ATG10: variants seen among roughly 807,000 people sequenced by gnomAD.
The protein encoded by ATG10 is autophagy related 10.
Under a neutral mutation model 32.1 loss-of-function variants are expected in ATG10, and 30 were observed. The observed-to-expected ratio is 0.94, with a 90% CI of 0.70 to 1.27. ATG10 has a LOEUF of 1.27. Among genes scored for constraint, ATG10 ranks in the 50% most tolerant of loss-of-function variants. The probability of loss-of-function intolerance (pLI) is 0.00; values close to 1 mark genes in which losing one functional copy is unlikely to be tolerated. For missense variants in ATG10, 233 were observed against 262.3 expected (o/e 0.89, Z 0.77); for synonymous variants, 87 against 91.5 (o/e 0.95, Z 0.28).
At chr5:82,051,463 A>T (rs368246493) in intron 2 of ATG10, among the ~76,000 whole-genome samples, 1 of 152,110 alleles carries the variant, frequency 6.6e-6, no homozygotes, top group Admixed American at 6.6e-5. Flanking sequence ...AAGACGTGCA[A>T]ATTTCTTTAT....
chr5:82,092,321 A>C (rs1339041249), intron 3 of ATG10, among the ~76,000 whole-genome samples: 2 of 152,258 alleles, frequency 1.3e-5, no homozygotes, highest in African/African-American at 4.8e-5. Context: ...AAAGCACCAG[A>C]GGAAAATATA....
chr5:82,041,251 A>G (rs1485521813), intron 2 of ATG10, among the ~76,000 whole-genome samples: 3 of 152,104 alleles, frequency 2.0e-5, no homozygotes, highest in Non-Finnish European at 4.4e-5. Context: ...TTTATTGTTT[A>G]TGTATTTATT....
At chr5:81,990,392 T>C (rs1278435455) in intron 2 of ATG10, among the ~76,000 whole-genome samples, 1 of 152,136 alleles carries the variant, frequency 6.6e-6, no homozygotes, top group Admixed American at 6.6e-5. Context: ...TGTTAACCAT[T>C]CCATTACCTG....
chr5:82,042,359 A>G (rs1052635052), intron 2 of ATG10, among the ~76,000 whole-genome samples: 2 of 152,178 alleles, frequency 1.3e-5, no homozygotes, highest in Non-Finnish European at 2.9e-5. Flanking sequence ...ATCTGCCCTC[A>G]TGATCTAATC....
chr5:82,218,736 A>G (rs1341805233), intron 5 of ATG10, among the ~76,000 whole-genome samples: 1 of 152,208 alleles, frequency 6.6e-6, no homozygotes, highest in Admixed American at 6.5e-5. Flanking sequence ...AGGAGTGTTA[A>G]TGGTGTGATT....
intron 3 of ATG10, among the ~76,000 whole-genome samples, chr5:82,163,872 T>C (rs1219719556): frequency 6.6e-6 from 1 of 152,202 alleles, no homozygotes; most frequent in African/African-American, 2.4e-5. Flanking sequence ...AACAGAATCA[T>C]CTCAGGTTTT....
intron 2 of ATG10, among the ~76,000 whole-genome samples, chr5:82,057,704 T>G (rs1035387653): frequency 6.6e-6 from 1 of 152,162 alleles, no homozygotes; most frequent in African/African-American, 2.4e-5. Context: ...AAGTGTTACC[T>G]TAAAAAAATG....
intron 2 of ATG10, among the ~76,000 whole-genome samples, chr5:82,037,234 CTTTTTTTTTTT>C (rs1166784267): frequency 7.0e-4 from 26 of 36,940 alleles, no homozygotes; most frequent in African/African-American, 1.5e-3. Flanking sequence ...ATCTCATTTA[CTTTTTTTTTTT>C]TTTTTTTTTT....
At chr5:82,246,815 C>CT (rs1225302663) in intron 5 of ATG10, among the ~76,000 whole-genome samples, 1 of 152,050 alleles carries the variant, frequency 6.6e-6, no homozygotes, top group East Asian at 1.9e-4. Context: ...TCCTGAAGGA[C>CT]TTTTTTTAGT....
rs781236361 is a variant in ATG10 at position 82,234,258 on chromosome 5, G to A, written c.454-18304G>A. 3.9e-5 allele frequency among the ~76,000 whole-genome samples: 6 copies of A among 152,126 alleles called. No individual in the cohort carries two copies. The South Asian group carries it at 8.3e-4, about 21-fold the overall frequency. On this transcript the variant is annotated intron_variant, in intron 5 of 7. Transcript: ENST00000282185. ...AAAGAGCTCTTTCTGAATTTGCTGC[G>A]TTTGAATTACCTTTAGCTCAAAATA...
At chr5:82,248,031 T>C (rs1747101283) in intron 5 of ATG10, among the ~76,000 whole-genome samples, 1 of 152,226 alleles carries the variant, frequency 6.6e-6, no homozygotes. Context: ...TTTTTTCTTT[T>C]GCCAATGGAT....
At chr5:82,115,106 T>C (rs550481943) in intron 3 of ATG10, among the ~76,000 whole-genome samples, 49 of 152,072 alleles carry the variant, frequency 3.2e-4, no homozygotes, top group Admixed American at 6.6e-4. Context: ...CAGAATTAAC[T>C]AACTTTCTTT....
intron 5 of ATG10, among the ~76,000 whole-genome samples, chr5:82,221,534 A>ATACT (rs1745928944): frequency 6.6e-6 from 1 of 152,150 alleles, no homozygotes. Context: ...AGAGCAACCT[A>ATACT]TACACCGTGT....
chr5:81,983,362 G>C (rs1229544813), intron 1 of ATG10, among the ~76,000 whole-genome samples: 1 of 148,792 alleles, frequency 6.7e-6, no homozygotes, highest in Non-Finnish European at 1.5e-5. Flanking sequence ...GGGGCGGCCG[G>C]GCAGAGGTGC....
rs570316576 is a variant in ATG10 at position 82,064,303 on chromosome 5, A to G, written c.216+5701A>G. 7.4e-4 allele frequency among the ~76,000 whole-genome samples: 112 copies of G among 152,264 alleles called. 2 individuals are homozygous for G. The highest frequency in any genetic ancestry group is 8.5e-4 in the Admixed American group (13 of 15,290). ...CCAAAACAGGGTTTAGGTAAAATAC[A>G]TCATCTTTTGATCCTAAATATATGA... On this transcript the variant is annotated intron_variant, in intron 3 of 7. Transcript: ENST00000282185.
chr5:82,074,303 A>G (rs370849126), intron 3 of ATG10, among the ~76,000 whole-genome samples: 6 of 152,190 alleles, frequency 3.9e-5, no homozygotes, highest in Admixed American at 2.6e-4. Flanking sequence ...CGTAAACGCC[A>G]TCTCACAATG....
Position 82,138,554 on chromosome 5 carries a change from ACT to A in ATG10, c.217-25840_217-25839del, listed in dbSNP as rs374005904. 6.9e-3 allele frequency among the ~76,000 whole-genome samples: 1,052 copies of A among 151,674 alleles called. 15 individuals are homozygous for A. The highest frequency in any genetic ancestry group is 6.4e-3 in the Non-Finnish European group (438 of 67,908). On this transcript the variant is annotated intron_variant, in intron 3 of 7. Coordinates refer to ENST00000282185, the MANE Select transcript of ATG10 (RefSeq NM_031482.5). ...GCCTTGCCCTGTGTGGGCTGCACCC[ACT>A]CTCTAACGAGTCCCAATGAGATGAA...
chr5:82,242,183 AGAC>A (rs1746833634), intron 5 of ATG10, among the ~76,000 whole-genome samples: 2 of 152,192 alleles, frequency 1.3e-5, no homozygotes, highest in Admixed American at 6.6e-5. Flanking sequence ...TGACATAGGA[AGAC>A]GACTATGGAA....
Position 82,058,527 on chromosome 5 carries a change from C to T in ATG10, c.141C>T (p.His47=), listed in dbSNP as rs1703184414. ...CTGATGGCTACATGTGCAAAATACA[C>T]TTTCAAATTAAGAATGGGTCTGTGA... The part of the protein sequence containing the change: ...DCSDGYMCKI[H]FQIKNGSVMS... Residue 47 remains histidine (H), a synonymous_variant, in exon 3 of 8, where the codon CAC becomes CAT. Coordinates refer to ENST00000282185, the MANE Select transcript of ATG10 (RefSeq NM_031482.5). 1 of 1,613,250 alleles carries T rather than the reference C, an allele frequency of 6.2e-7. No homozygotes were observed. Among genetic ancestry groups the T allele is most frequent in the African/African-American group, 1.3e-5 (1 of 74,980 alleles).
Sources: allele counts gnomAD v4.1 joint callset (sites outside exome capture counted in the v4.1 genomes callset), GRCh38; gene constraint gnomAD v4.1.1; transcripts MANE v1.5; gene names NCBI Gene and HGNC (gene_info 2026-07-23, HGNC 2026-07-21).